NUP88: variants seen among roughly 807,000 people sequenced by gnomAD.
NUP88 encodes nucleoporin 88.
Under a neutral mutation model 93.9 loss-of-function variants are expected in NUP88, and 57 were observed. The observed-to-expected ratio is 0.61, with a 90% CI of 0.49 to 0.76. NUP88 has a LOEUF of 0.76. Among genes scored for constraint, NUP88 ranks in the 30% least tolerant of loss-of-function variants. NUP88 has a pLI of 0.00. For synonymous variants in NUP88, 346 were observed against 336.8 expected (o/e 1.03, Z -0.30); for missense variants, 911 against 901.0 (o/e 1.01, Z -0.14).
intron 10 of NUP88, 27 bp from the exon 11 acceptor site, chr17:5,388,987 T>C (rs1912238297): frequency 6.4e-7 from 1 of 1,568,000 alleles, no homozygotes; most frequent in African/African-American, 1.4e-5. Flanking sequence ...TAAATTGAAT[T>C]CTACCATGGA....
intron 11 of NUP88, 21 bp downstream of exon 11, chr17:5,388,781 G>A (rs375568465): frequency 3.1e-5 from 50 of 1,601,508 alleles, no homozygotes; most frequent in African/African-American, 1.7e-4. Flanking sequence ...TCATAAAACC[G>A]CTATGCCCAA....
intron 9 of NUP88, among the ~76,000 whole-genome samples, chr17:5,392,182 C>T (rs1806238): frequency 0.44 from 66,395 of 151,984 alleles, 15,271 homozygotes; most frequent in East Asian, 0.84. Flanking sequence ...GCTCTCCTAG[C>T]GGCTCCCATG....
intron 7 of NUP88, among the ~76,000 whole-genome samples, chr17:5,400,275 G>T (rs1178717103): frequency 6.6e-6 from 1 of 151,810 alleles, no homozygotes; most frequent in Admixed American, 6.6e-5. Context: ...GAGGTGGGAG[G>T]ATCACAAGGT....
chr17:5,404,321 G>T, intron 6 of NUP88, 75 bp from the exon 7 acceptor site: 2 of 1,523,204 alleles, frequency 1.3e-6, no homozygotes, highest in Non-Finnish European at 1.8e-6. Flanking sequence ...CAGGCAAAAA[G>T]CTGGGTCAGG....
chr17:5,405,260 A>G lies in NUP88; in HGVS notation c.858-17T>C. 1.2e-6 allele frequency: 2 copies of G among 1,605,648 alleles called. No homozygotes were observed. The highest frequency in any genetic ancestry group is 2.2e-5 in the South Asian group (2 of 90,036). ...TTTCCAGGGCTAAAGAAGGAGTAAA[A>G]ACATATTTGGGAAATGTTGACAGTA... On this transcript the variant is annotated splice_polypyrimidine_tract_variant and intron_variant, in intron 5 of 16. Coordinates refer to ENST00000573584, the MANE Select transcript of NUP88 (RefSeq NM_002532.6).
At chr17:5,411,194 T>TA (rs1913819997) in intron 3 of NUP88, among the ~76,000 whole-genome samples, 1 of 152,202 alleles carries the variant, frequency 6.6e-6, no homozygotes, top group South Asian at 2.1e-4. Flanking sequence ...AACTGTATCT[T>TA]ATTCTTTATA....
At position 5,408,833 on chromosome 17, in the gene NUP88, G is replaced by C; in HGVS notation, c.757C>G (p.Leu253Val). Residue 253 changes from leucine (L) to valine (V), a missense_variant, in exon 5 of 17, where the codon CTA becomes GTA. Transcript: ENST00000573584. ...TCATCTTTGCCGTTTTGTCCAAATA[G>C]AGTCTTTGGGACTGCTGCCAATGGC... The part of the protein sequence containing the change: ...FGPLAAVPKT[L>V]FGQNGKDEVV... 6.2e-7 allele frequency: 1 copy of C among 1,613,984 alleles called. No homozygotes were observed. The highest frequency in any genetic ancestry group is 8.5e-7 in the Non-Finnish European group (1 of 1,179,848).
chr17:5,396,554 T>C (rs1228198380), intron 8 of NUP88, among the ~76,000 whole-genome samples: 2 of 152,256 alleles, frequency 1.3e-5, no homozygotes, highest in African/African-American at 2.4e-5. Flanking sequence ...CACTTGGGTA[T>C]GTGGCTTCTG....
chr17:5,403,420 T>C (rs1393319664), intron 7 of NUP88, among the ~76,000 whole-genome samples: 1 of 152,088 alleles, frequency 6.6e-6, no homozygotes, highest in African/African-American at 2.4e-5. Context: ...GAGGTTGCAG[T>C]GAGCTGAGAT....
At chr17:5,387,343 T>C (rs1447428977) in intron 14 of NUP88, 43 bp downstream of exon 14, 1 of 1,528,486 alleles carries the variant, frequency 6.5e-7, no homozygotes, top group Non-Finnish European at 9.1e-7. Context: ...AATATCGTTG[T>C]TAGTACCTGA....
At chr17:5,419,228 G>C (rs1914424706) in intron 1 of NUP88, 126 bp downstream of exon 1, 1 of 1,113,842 alleles carries the variant, frequency 9.0e-7, no homozygotes. Flanking sequence ...GACCGCGTAT[G>C]GCAGCGTCGG....
chr17:5,385,404 T>TA lies in NUP88; in HGVS notation c.*801dup, dbSNP rs1483888612. 5.2e-4 allele frequency: 119 copies of TA among 230,244 alleles called. 1 individual carries two copies. Among genetic ancestry groups the TA allele is most frequent in the East Asian group, 1.2e-3 (20 of 16,112 alleles). The allele number at this position is 230,244 out of a possible 1,614,324, so 14.3% of individuals were successfully genotyped here. On this transcript the variant is annotated 3_prime_UTR_variant, in exon 17 of 17. Transcript: ENST00000573584. The stretch of plus-strand genomic sequence containing the variant: ...TGCATGTCTAACCTGATTTACCTCT[T>TA]ACCTGTAACCTACCTTATCATGTGG...
Position 5,394,747 on chromosome 17 carries a change from C to T in NUP88, c.1382+144G>A, listed in dbSNP as rs375616951. 9.0e-5 allele frequency: 56 copies of T among 625,482 alleles called. No homozygotes were observed. The East Asian group carries it at 1.2e-3, about 13-fold the overall frequency. 38.7% of individuals were successfully genotyped at this position (625,482 alleles called of 1,614,324 possible). ...GAGAAAGCTTCTGATGAGCAGGACA[C>T]TCTTAGGGGAGAAGTATCACGTCTG... On this transcript the variant is annotated intron_variant, in intron 9 of 16. Transcript: ENST00000573584.
At chr17:5,387,726 C>T in intron 12 of NUP88, 53 bp downstream of exon 12, 1 of 1,606,960 alleles carries the variant, frequency 6.2e-7, no homozygotes, top group Non-Finnish European at 8.5e-7. Flanking sequence ...GGCTACCATA[C>T]AGCATCAGCT....
chr17:5,414,165 T>C (rs1410428309), intron 2 of NUP88, 31 bp from the exon 3 acceptor site: 6 of 1,600,898 alleles, frequency 3.7e-6, no homozygotes, highest in Non-Finnish European at 5.1e-6. Flanking sequence ...TTCCAAAACA[T>C]TTTGTACAAC....
chr17:5,416,144 C>CAAAAAAAAAA (rs1206275413), intron 2 of NUP88, among the ~76,000 whole-genome samples: 1 of 72,648 alleles, frequency 1.4e-5, no homozygotes, highest in Non-Finnish European at 2.6e-5. Flanking sequence ...GACTCCATCT[C>CAAAAAAAAAA]AAAAAAAAAA....
At chr17:5,397,262 C>T (rs1261420768) in intron 8 of NUP88, among the ~76,000 whole-genome samples, 1 of 152,146 alleles carries the variant, frequency 6.6e-6, no homozygotes, top group Non-Finnish European at 1.5e-5. Flanking sequence ...ACTGCTTGAG[C>T]CCAGGAGTTC....
intron 16 of NUP88, 117 bp from the exon 17 acceptor site, chr17:5,386,386 G>T: frequency 1.2e-6 from 1 of 823,036 alleles, no homozygotes. Context: ...AAAATTAACA[G>T]CTGAAGGTTT....
At chr17:5,396,728 CCATTTTA>C (rs1443103979) in intron 8 of NUP88, among the ~76,000 whole-genome samples, 6 of 152,300 alleles carry the variant, frequency 3.9e-5, no homozygotes, top group African/African-American at 1.4e-4. Context: ...AAAGACTGTA[CCATTTTA>C]CATTTCTATA....
Sources: allele counts gnomAD v4.1 joint callset (sites outside exome capture counted in the v4.1 genomes callset), GRCh38; gene constraint gnomAD v4.1.1; transcripts MANE v1.5; gene names NCBI Gene and HGNC (gene_info 2026-07-23, HGNC 2026-07-21).